RAD18: variants seen among roughly 807,000 people sequenced by gnomAD.
RAD18 encodes the protein RAD18 E3 ubiquitin protein ligase, also known as E3 ubiquitin-protein ligase RAD18.
In RAD18, 47 loss-of-function variants were observed where a neutral mutation model predicts 60.4. That is an observed-to-expected ratio of 0.78 (90% CI 0.62 to 0.99). RAD18 has a LOEUF of 0.99. RAD18 is among the 50% of genes least tolerant of loss of function. The pLI is 0.00. For missense variants in RAD18, 640 were observed against 593.3 expected (o/e 1.08, Z -0.82); for synonymous variants, 225 against 195.5 (o/e 1.15, Z -1.26).
At chr3:8,938,848 A>G (rs2124826279) in intron 6 of RAD18, among the ~76,000 whole-genome samples, 1 of 152,250 alleles carries the variant, frequency 6.6e-6, no homozygotes, top group South Asian at 2.1e-4. Flanking sequence ...TTATCCACTG[A>G]TTCCGTAATG....
chr3:8,935,291 C>T (rs556076998), intron 7 of RAD18, among the ~76,000 whole-genome samples: 1 of 152,224 alleles, frequency 6.6e-6, no homozygotes, highest in Admixed American at 6.5e-5. Flanking sequence ...ATGAAAAGAA[C>T]CAACCACTAA....
chr3:8,954,323 T>A (rs975024823), intron 2 of RAD18, among the ~76,000 whole-genome samples: 8 of 152,236 alleles, frequency 5.3e-5, no homozygotes, highest in African/African-American at 1.9e-4. Flanking sequence ...ATGACAAGGA[T>A]TCATTTAAGT....
chr3:8,941,671 C>G lies in RAD18; in HGVS notation c.400G>C (p.Asp134His), dbSNP rs199849084. The change falls in exon 5 of 13, where the codon GAT becomes CAT. Residue 134 changes from aspartate to histidine, a missense_variant. By Grantham distance (81) the Asp-to-His change is moderately conservative (BLOSUM62 -1). Transcript: ENST00000264926. ...CTCATTTCTCTGATCAAGAAATTAT[C>G]CATTAACCTGCTCCCCTGCTTTAAA... is the stretch of plus-strand genomic sequence containing the variant. ...QSLKQGSRLMDNFLIREMSGS... is the reference protein window; with the variant it reads ...QSLKQGSRLMHNFLIREMSGS... 1.9e-6 allele frequency: 3 copies of G among 1,614,120 alleles called. No homozygotes were observed. In the African/African-American group the frequency reaches 4.0e-5, roughly 22 times the overall value.
chr3:8,953,713 C>T (rs1940962062), intron 2 of RAD18, among the ~76,000 whole-genome samples: 1 of 152,032 alleles, frequency 6.6e-6, no homozygotes, highest in Non-Finnish European at 1.5e-5. Flanking sequence ...ATATCCAAGC[C>T]TTGGGAGAGG....
intron 7 of RAD18, among the ~76,000 whole-genome samples, chr3:8,916,159 C>A (rs1385196198): frequency 2.0e-5 from 3 of 152,160 alleles, no homozygotes; most frequent in Admixed American, 6.5e-5. Flanking sequence ...CAAAAAACCC[C>A]CTCTACCCTT....
intron 2 of RAD18, among the ~76,000 whole-genome samples, chr3:8,952,330 C>G (rs1163139024): frequency 6.6e-6 from 1 of 152,300 alleles, no homozygotes; most frequent in East Asian, 1.9e-4. Context: ...CAGACTCATT[C>G]TCTTAATTAT....
intron 10 of RAD18, among the ~76,000 whole-genome samples, chr3:8,900,940 AC>A (rs1329547953): frequency 6.6e-6 from 1 of 152,234 alleles, no homozygotes; most frequent in Non-Finnish European, 1.5e-5. Context: ...AATTAAAAAA[AC>A]TTTTCTTAAT....
chr3:8,936,081 G>A (rs370295105), intron 6 of RAD18, 26 bp from the exon 7 acceptor site: 33 of 1,437,522 alleles, frequency 2.3e-5, no homozygotes, highest in Non-Finnish European at 2.9e-5. Flanking sequence ...GATACCTGAT[G>A]ATTATTGTGA....
chr3:8,881,100 T>A lies in RAD18; in HGVS notation c.*257A>T, dbSNP rs1482682169. On this transcript the variant is annotated 3_prime_UTR_variant, in exon 13 of 13. Transcript: ENST00000264926. ...CCAAAGTGCCAAAGAGTCTACCTCC[T>A]CTGCAAAGCTGGTACCTGTGTGAAA... 2 of 380,338 alleles carry A rather than the reference T, an allele frequency of 5.3e-6. No homozygotes were observed. The highest frequency in any genetic ancestry group is 9.5e-6 in the Non-Finnish European group (2 of 209,566). 23.6% of individuals were successfully genotyped at this position (380,338 alleles called of 1,614,324 possible). A position where few individuals can be genotyped will look rare whatever the true frequency, so the allele number is the denominator to read the frequency against.
intron 2 of RAD18, among the ~76,000 whole-genome samples, chr3:8,958,426 C>A (rs533904446): frequency 1.3e-5 from 2 of 152,284 alleles, no homozygotes; most frequent in South Asian, 4.1e-4. Context: ...GAAGTACAAA[C>A]AAATTCCAAC....
At chr3:8,916,714 C>T (rs905152077) in intron 7 of RAD18, among the ~76,000 whole-genome samples, 1 of 151,564 alleles carries the variant, frequency 6.6e-6, no homozygotes. Flanking sequence ...AAAACCAACA[C>T]AGTAACAGAT....
Position 8,934,172 on chromosome 3 carries a change from G to A in RAD18, c.889+1699C>T, listed in dbSNP as rs143827663. On this transcript the variant is annotated intron_variant, in intron 7 of 12. Transcript: ENST00000264926. Reference sequence around the variant, plus strand: ...AGATAAACCGTACATCAAAATTTAGGAGCAAGAACAATAAAGTTTTAAAAG... The same window carrying A: ...AGATAAACCGTACATCAAAATTTAGAAGCAAGAACAATAAAGTTTTAAAAG... Among the ~76,000 whole-genome samples the A allele has an allele frequency of 1.4e-3, 217 of 152,224 alleles. 1 individual carries two copies. In the Middle Eastern group the frequency reaches 0.024, roughly 17 times the overall value.
chr3:8,941,777 C>T lies in RAD18; in HGVS notation c.294G>A (p.Glu98=), dbSNP rs1415076632. 6.2e-7 allele frequency: 1 copy of T among 1,613,344 alleles called. No individual in the cohort carries two copies. Among genetic ancestry groups the T allele is most frequent in the South Asian group, 1.1e-5 (1 of 91,044 alleles). The change falls in exon 5 of 13, where the codon GAG becomes GAA. Residue 98 remains glutamate, a synonymous_variant. Transcript: ENST00000264926. The stretch of plus-strand genomic sequence containing the variant: ...AAGAAGCAGGAGATTTGGCTGGTGA[C>T]TCTAAAGCAAACTGCAGCAGATGAT... ...ARNHLLQFAL[E]SPAKSPASSS...
chr3:8,963,231 G>A, intron 1 of RAD18, 104 bp downstream of exon 1: 10 of 1,289,266 alleles, frequency 7.8e-6, no homozygotes, highest in Non-Finnish European at 1.1e-5. Flanking sequence ...CCAGTGCGAC[G>A]CTCGCGCCTC....
chr3:8,883,635 C>A (rs1183021180), intron 12 of RAD18, among the ~76,000 whole-genome samples: 1 of 152,110 alleles, frequency 6.6e-6, no homozygotes. Context: ...TGCTTGCACA[C>A]AGCCTCATGG....
In RAD18 at chr3:8,881,458, T is replaced by G; in HGVS notation, c.1387A>C (p.Asn463His). ...EEEAWEASHKNDLQDTEISPR... is the reference protein window; with the variant it reads ...EEEAWEASHKHDLQDTEISPR... Reference sequence around the variant, plus strand: ...CTTATTTCTGTGTCTTGAAGATCGTTTCTGAAGACAGAAAAAGGAAATGAC... The same window carrying G: ...CTTATTTCTGTGTCTTGAAGATCGTGTCTGAAGACAGAAAAAGGAAATGAC... Residue 463 changes from asparagine to histidine, a missense_variant and splice_region_variant, in exon 13 of 13, where the codon AAC becomes CAC. By Grantham distance (68) the Asn-to-His change is moderately conservative (BLOSUM62 1). Coordinates refer to ENST00000264926, the MANE Select transcript of RAD18 (RefSeq NM_020165.4). The G allele has an allele frequency of 6.3e-7, 1 of 1,595,830 alleles. No homozygotes were observed. The highest frequency in any genetic ancestry group is 8.6e-7 in the Non-Finnish European group (1 of 1,164,322).
chr3:8,956,601 C>T (rs1440725054), intron 2 of RAD18, among the ~76,000 whole-genome samples: 2 of 152,062 alleles, frequency 1.3e-5, no homozygotes, highest in Admixed American at 1.3e-4. Flanking sequence ...TGTAACAAAG[C>T]CACTGTGAGG....
At chr3:8,958,882 T>C (rs1941053072) in intron 2 of RAD18, 38 bp downstream of exon 2, 3 of 1,519,274 alleles carry the variant, frequency 2.0e-6, no homozygotes, top group African/African-American at 2.7e-5. Context: ...CATGTAAAAA[T>C]CGCAATTTAC....
At chr3:8,934,156 G>A (rs778855790) in intron 7 of RAD18, among the ~76,000 whole-genome samples, 16 of 152,228 alleles carry the variant, frequency 1.1e-4, no homozygotes, top group African/African-American at 2.2e-4. Flanking sequence ...CAGATAAACC[G>A]TACATCAAAA....
Sources: allele counts gnomAD v4.1 joint callset (sites outside exome capture counted in the v4.1 genomes callset), GRCh38; gene constraint gnomAD v4.1.1; transcripts MANE v1.5; gene names NCBI Gene and HGNC (gene_info 2026-07-23, HGNC 2026-07-21).